The following BTN2A2 variants were observed in gnomAD, a reference collection of about 807,000 sequenced individuals.
The protein encoded by BTN2A2 is butyrophilin subfamily 2 member A2, also known as butyrophilin 2.
In BTN2A2, 29 loss-of-function variants were observed where a neutral mutation model predicts 34.7. That is an observed-to-expected ratio of 0.84 (90% CI 0.62 to 1.14). The LOEUF (loss-of-function observed/expected upper bound fraction) is 1.14, where lower values mean the gene tolerates loss of function less well. Ranked by LOEUF, BTN2A2 falls within the 50% of genes most tolerant of loss-of-function variation. The probability of loss-of-function intolerance (pLI) is 0.00; values close to 1 mark genes in which losing one functional copy is unlikely to be tolerated. For synonymous variants in BTN2A2, 240 were observed against 253.1 expected (o/e 0.95, Z 0.49); for missense variants, 612 against 651.5 (o/e 0.94, Z 0.66).
At position 26,393,308 on chromosome 6, in the gene BTN2A2, G is replaced by C. The variant is rs944448811; in HGVS notation, c.*341G>C. The C allele has an allele frequency of 5.5e-6, 7 of 1,267,458 alleles. No homozygotes were observed. In the African/African-American group the frequency reaches 6.1e-5, roughly 11 times the overall value. The allele number at this position is 1,267,458 out of a possible 1,614,324, so 78.5% of individuals were successfully genotyped here. On this transcript the variant is annotated 3_prime_UTR_variant, in exon 8 of 8. Transcript: ENST00000356709. The stretch of plus-strand genomic sequence containing the variant: ...TAACCACATTAAGCCCAATATGCCA[G>C]TTGGCACCAGATGCTGTGGACTTGG...
At position 26,392,378 on chromosome 6, in the gene BTN2A2, A is replaced by G; in HGVS notation, c.983A>G (p.Asp328Gly). 1 of 1,614,064 alleles carries G rather than the reference A, an allele frequency of 6.2e-7. No individual in the cohort carries two copies. The highest frequency in any genetic ancestry group is 1.1e-5 in the South Asian group (1 of 91,080). Residue 328 changes from aspartate (D) to glycine (G), a missense_variant, in exon 8 of 8, where the codon GAT (aspartate) becomes GGT (glycine). By Grantham distance (94) the Asp-to-Gly change is moderately conservative (BLOSUM62 -1). Coordinates refer to ENST00000356709, the MANE Select transcript of BTN2A2 (RefSeq NM_006995.5). ...AAACCTGAGACTTCCTCTGCAGCTGATGTGGTCCTGGATCCAGACACCGCT... is the reference window on the plus strand; with the variant it reads ...AAACCTGAGACTTCCTCTGCAGCTGGTGTGGTCCTGGATCCAGACACCGCT... ...RWRRTFLHAA[D>G]VVLDPDTAHP...
At position 26,392,490 on chromosome 6, in the gene BTN2A2, C is replaced by T. The variant is rs776923192; in HGVS notation, c.1095C>T (p.Phe365=). Residue 365 remains phenylalanine, a synonymous_variant, in exon 8 of 8, where the codon TTC becomes TTT. Coordinates refer to ENST00000356709, the MANE Select transcript of BTN2A2 (RefSeq NM_006995.5). The stretch of plus-strand genomic sequence containing the variant: ...GAGTGCCTGACAACCCAGAGAGATT[C>T]GACAGTCAGCCTTGTGTCCTGGGAT... ...RQRVPDNPER[F]DSQPCVLGWE... is the part of the protein sequence containing the mutation. 1.8e-5 allele frequency: 29 copies of T among 1,614,198 alleles called. No individual in the cohort carries two copies. Among genetic ancestry groups the T allele is most frequent in the South Asian group, 1.5e-4 (14 of 91,080 alleles).
rs1209056692 is a variant in BTN2A2 at position 26,388,273 on chromosome 6, G to A, written c.703G>A (p.Glu235Lys). The A allele has an allele frequency of 6.2e-7, 1 of 1,614,140 alleles. No individual in the cohort carries two copies. The highest frequency in any genetic ancestry group is 1.7e-5 in the Admixed American group (1 of 60,020). The change falls in exon 4 of 8, where the codon GAA (glutamate) becomes AAA (lysine). Residue 235 changes from glutamate to lysine, a missense_variant. Transcript: ENST00000356709. ...CAACACCCTGCTCGGCCAGGAGAAG[G>A]AAACTGTCATTTTTATTCCAGGTTA... ...VNNTLLGQEK[E>K]TVIFIPESFM... is the part of the protein sequence containing the mutation.
intron 5 of BTN2A2, 109 bp from the exon 6 acceptor site, chr6:26,390,578 T>G: frequency 1.5e-6 from 2 of 1,344,450 alleles, no homozygotes; most frequent in African/African-American, 1.4e-5. Flanking sequence ...AAACGAAGGG[T>G]GATGTTGGTG....
At chr6:26,387,633 G>A (rs567024758) in intron 3 of BTN2A2, among the ~76,000 whole-genome samples, 1 of 151,820 alleles carries the variant, frequency 6.6e-6, no homozygotes, top group South Asian at 2.1e-4. Context: ...TCTGTCATTA[G>A]TGTATTATTT....
chr6:26,388,410 G>A (rs1761352066), intron 4 of BTN2A2, 116 bp downstream of exon 4: 3 of 1,257,298 alleles, frequency 2.4e-6, no homozygotes, highest in Non-Finnish European at 3.3e-6. Flanking sequence ...GGGCCCTGAG[G>A]AGCTGGAGGC....
At position 26,388,113 on chromosome 6, in the gene BTN2A2, G is replaced by T; in HGVS notation, c.543G>T (p.Val181=). 1 of 1,614,162 alleles carries T rather than the reference G, an allele frequency of 6.2e-7. No homozygotes were observed. Among genetic ancestry groups the T allele is most frequent in the Non-Finnish European group, 8.5e-7 (1 of 1,180,030 alleles). ...SGGWYPEPLT[V]WRDPYGEVVP... ...GGTGGTACCCAGAGCCCCTCACAGT[G>T]TGGAGGGACCCCTACGGTGAGGTTG... is the stretch of plus-strand genomic sequence containing the variant. Residue 181 remains valine, a synonymous_variant, in exon 4 of 8, where the codon GTG becomes GTT. Coordinates refer to ENST00000356709, the MANE Select transcript of BTN2A2 (RefSeq NM_006995.5).
In BTN2A2 at chr6:26,393,042, G is replaced by A. The variant is rs543068408; in HGVS notation, c.*75G>A. ...GCAGCCACCGCACAACCCCCCTAAT[G>A]AAAGACACGCCCTCCTCCCCTCTGG... On this transcript the variant is annotated 3_prime_UTR_variant, in exon 8 of 8. Coordinates refer to ENST00000356709, the MANE Select transcript of BTN2A2 (RefSeq NM_006995.5). 1.9e-6 allele frequency: 3 copies of A among 1,612,536 alleles called. No individual in the cohort carries two copies. In the African/African-American group the frequency reaches 4.0e-5, roughly 22 times the overall value.
In BTN2A2 at chr6:26,392,638, A is replaced by G. The variant is rs1761664735; in HGVS notation, c.1243A>G (p.Asn415Asp). ...RKGEVLLIPQ[N>D]GFWTLEMFGN... is the part of the protein sequence containing the mutation. ...AGGGGAGGTCCTGCTGATTCCTCAG[A>G]ATGGCTTCTGGACCCTGGAGATGTT... is the stretch of plus-strand genomic sequence containing the variant. Residue 415 changes from asparagine to aspartate, a missense_variant, in exon 8 of 8, where the codon AAT becomes GAT. Transcript: ENST00000356709. 1.2e-6 allele frequency: 2 copies of G among 1,614,058 alleles called. No individual in the cohort carries two copies. The highest frequency in any genetic ancestry group is 1.1e-5 in the South Asian group (1 of 91,090).
chr6:26,390,016 C>T lies in BTN2A2; in HGVS notation c.736C>T (p.Pro246Ser), dbSNP rs750636124. Residue 246 changes from proline to serine, a missense_variant, in exon 5 of 8, where the codon CCC becomes TCC. Pro to Ser is a moderately conservative substitution (Grantham distance 74). Coordinates refer to ENST00000356709, the MANE Select transcript of BTN2A2 (RefSeq NM_006995.5). ...TVIFIPESFM[P>S]SASPWMVALA... ...GGCTGCCTTTTCAGAATCCTTTATG[C>T]CCAGCGCATCTCCCTGGATGGTGGC... 2 of 1,613,438 alleles carry T rather than the reference C, an allele frequency of 1.2e-6. No homozygotes were observed. Among genetic ancestry groups the T allele is most frequent in the Non-Finnish European group, 1.7e-6 (2 of 1,179,800 alleles).
chr6:26,390,297 T>C, intron 5 of BTN2A2, 86 bp downstream of exon 5: 1 of 1,364,400 alleles, frequency 7.3e-7, no homozygotes, highest in Non-Finnish European at 1.0e-6. Flanking sequence ...TTGACTGTCA[T>C]AGAAAGGCCA....
intron 5 of BTN2A2, 107 bp downstream of exon 5, chr6:26,390,318 AG>A: frequency 8.6e-7 from 1 of 1,168,914 alleles, no homozygotes; most frequent in Non-Finnish European, 1.2e-6. Flanking sequence ...CAGCTCTCAC[AG>A]GTACCGGCTT....
intron 7 of BTN2A2, 137 bp from the exon 8 acceptor site, chr6:26,392,238 G>A (rs776513716): frequency 2.6e-6 from 4 of 1,553,488 alleles, no homozygotes; most frequent in Non-Finnish European, 3.5e-6. Flanking sequence ...AGCTGCCTGG[G>A]ATCAGGGGAC....
Position 26,392,600 on chromosome 6 carries a change from G to C in BTN2A2, c.1205G>C (p.Ser402Thr), listed in dbSNP as rs752925840. Residue 402 changes from serine to threonine, a missense_variant, in exon 8 of 8, where the codon AGT becomes ACT. Coordinates refer to ENST00000356709, the MANE Select transcript of BTN2A2 (RefSeq NM_006995.5). ...TGGACTGTGGGGGTCTGCAGACACA[G>C]TGTTGAGAGGAAAGGGGAGGTCCTG... ...MVWTVGVCRHSVERKGEVLLI... is the reference protein window; with the variant it reads ...MVWTVGVCRHTVERKGEVLLI... The C allele has an allele frequency of 6.2e-7, 1 of 1,614,206 alleles. No individual in the cohort carries two copies. Among genetic ancestry groups the C allele is most frequent in the African/African-American group, 1.3e-5 (1 of 75,066 alleles).
In BTN2A2 at chr6:26,393,531, C is replaced by T. The variant is rs1761731155; in HGVS notation, c.*564C>T. 9.9e-7 allele frequency: 1 copy of T among 1,015,146 alleles called. No individual in the cohort carries two copies. The allele number at this position is 1,015,146 out of a possible 1,614,324, so 62.9% of individuals were successfully genotyped here. ...CTGGGAGATGATGGCTCATTTCCACCCAACCCCAGGATTTCCACAGCACAC... is the reference window on the plus strand; with the variant it reads ...CTGGGAGATGATGGCTCATTTCCACTCAACCCCAGGATTTCCACAGCACAC... On this transcript the variant is annotated 3_prime_UTR_variant, in exon 8 of 8. Coordinates refer to ENST00000356709, the MANE Select transcript of BTN2A2 (RefSeq NM_006995.5).
intron 7 of BTN2A2, chr6:26,391,966 T>G (rs1040005447): frequency 7.7e-6 from 4 of 521,920 alleles, no homozygotes; most frequent in Non-Finnish European, 1.4e-5. Context: ...GAGAGGTATG[T>G]GGGGGAACAA....
chr6:26,386,465 A>G lies in BTN2A2; in HGVS notation c.442+1103A>G, dbSNP rs534459563. ...GGTTCTTCCCAGGGGGCCCCAAATC[A>G]TAACAGGTAGGAGACCCTATCTTTG... On this transcript the variant is annotated intron_variant, in intron 3 of 7. Transcript: ENST00000356709. Among the ~76,000 whole-genome samples the G allele has an allele frequency of 1.1e-4, 17 of 152,358 alleles. No individual in the cohort carries two copies. In the Middle Eastern group the frequency reaches 0.01, roughly 91 times the overall value.
Position 26,383,609 on chromosome 6 carries a change from T to C in BTN2A2, c.-30-183T>C, listed in dbSNP as rs1420461284. 1.7e-6 allele frequency: 1 copy of C among 593,490 alleles called. No individual in the cohort carries two copies. The highest frequency in any genetic ancestry group is 1.9e-5 in the African/African-American group (1 of 53,650). The allele number at this position is 593,490 out of a possible 1,614,324, so 36.8% of individuals were successfully genotyped here. ...AAAACGGCCCCCTTGATCTCTGCAT[T>C]GATGGCTTACTTATGGAATGTTTAC... On this transcript the variant is annotated intron_variant, in intron 1 of 7. Transcript: ENST00000356709. The surrounding 1 kb of genome is among the most constrained non-coding windows in gnomAD (Gnocchi z 4.4).
At chr6:26,386,869 G>T (rs1339458705) in intron 3 of BTN2A2, among the ~76,000 whole-genome samples, 1 of 152,198 alleles carries the variant, frequency 6.6e-6, no homozygotes, top group Non-Finnish European at 1.5e-5. Flanking sequence ...GGATTTCTGT[G>T]TGAGCCTTCA....
Sources: allele counts gnomAD v4.1 joint callset (sites outside exome capture counted in the v4.1 genomes callset), GRCh38; gene constraint gnomAD v4.1.1; non-coding constraint Gnocchi (gnomAD v3.1); transcripts MANE v1.5; gene names NCBI Gene and HGNC (gene_info 2026-07-23, HGNC 2026-07-21).